PLEKHA5: variants seen among roughly 807,000 people sequenced by gnomAD.
The protein encoded by PLEKHA5 is pleckstrin homology domain-containing family A member 5.
Under a neutral mutation model 181.9 loss-of-function variants are expected in PLEKHA5, and 55 were observed. The ratio of observed to expected loss-of-function variants is 0.30; its 90% CI spans 0.24 to 0.38. PLEKHA5 has a LOEUF of 0.38. PLEKHA5 is among the 10% of genes least tolerant of loss of function. The pLI is 1.00. For synonymous variants in PLEKHA5, 535 were observed against 529.4 expected, an observed-to-expected ratio of 1.01 and a Z score of -0.15; for missense variants, 1,432 against 1,549.5, an observed-to-expected ratio of 0.92 and a Z score of 1.27.
At chr12:19,287,378 T>C (rs2077449094) in intron 12 of PLEKHA5, 95 bp from the exon 13 acceptor site, 2 of 761,484 alleles carry the variant, frequency 2.6e-6, no homozygotes, top group East Asian at 4.9e-5. Context: ...TTTTAAATGG[T>C]ATTTCATAAT....
intron 21 of PLEKHA5, among the ~76,000 whole-genome samples, chr12:19,337,576 A>G (rs567100224): frequency 1.1e-3 from 161 of 151,720 alleles, no homozygotes; most frequent in African/African-American, 3.7e-3. Context: ...AAAAGAAATA[A>G]TAATACTTGT....
At chr12:19,132,033 C>T (rs78983750) in intron 2 of PLEKHA5, among the ~76,000 whole-genome samples, 9,143 of 152,126 alleles carry the variant, frequency 0.06, 336 homozygotes, top group South Asian at 0.11. Context: ...AAGAGGCAGG[C>T]GTTGCCTGTT....
chr12:19,172,769 T>C (rs1312389001), intron 3 of PLEKHA5, among the ~76,000 whole-genome samples: 1 of 152,044 alleles, frequency 6.6e-6, no homozygotes, highest in African/African-American at 2.4e-5. Flanking sequence ...CACAGATAAA[T>C]CAAATTGGCT....
chr12:19,247,893 A>T (rs965462821), intron 3 of PLEKHA5, among the ~76,000 whole-genome samples: 35 of 148,240 alleles, frequency 2.4e-4, no homozygotes, highest in Middle Eastern at 3.4e-3. Flanking sequence ...GAGTGCTTTT[A>T]AAAAAAAAAT....
intron 3 of PLEKHA5, among the ~76,000 whole-genome samples, chr12:19,212,616 C>T (rs2057139089): frequency 6.6e-6 from 1 of 151,916 alleles, no homozygotes; most frequent in African/African-American, 2.4e-5. Flanking sequence ...AGGAGGCAGA[C>T]AGGGCAAAAC....
chr12:19,349,989 G>A (rs977015180), intron 25 of PLEKHA5, among the ~76,000 whole-genome samples: 1 of 152,120 alleles, frequency 6.6e-6, no homozygotes, highest in Non-Finnish European at 1.5e-5. Context: ...GCACACACCT[G>A]TAGTCCCAGC....
intron 3 of PLEKHA5, among the ~76,000 whole-genome samples, chr12:19,175,181 T>C (rs952653238): frequency 6.6e-6 from 1 of 152,212 alleles, no homozygotes; most frequent in African/African-American, 2.4e-5. Flanking sequence ...GTTAACTCTC[T>C]TTTACTACTG....
intron 12 of PLEKHA5, among the ~76,000 whole-genome samples, chr12:19,286,264 A>G (rs893181061): frequency 9.2e-5 from 14 of 152,224 alleles, no homozygotes. Flanking sequence ...ATGTCACAAG[A>G]TTCATTTAAA....
At chr12:19,165,650 TG>T (rs1356446753) in intron 3 of PLEKHA5, among the ~76,000 whole-genome samples, 2 of 152,200 alleles carry the variant, frequency 1.3e-5, no homozygotes, top group Admixed American at 1.3e-4. Context: ...CTGTAATACC[TG>T]TTCAACCTGT....
intron 3 of PLEKHA5, among the ~76,000 whole-genome samples, chr12:19,222,675 G>A (rs529140627): frequency 6.6e-6 from 1 of 152,108 alleles, no homozygotes; most frequent in Non-Finnish European, 1.5e-5. Flanking sequence ...AATGATTTTT[G>A]AAATGTCAGC....
At chr12:19,239,585 T>C (rs377262344) in intron 3 of PLEKHA5, among the ~76,000 whole-genome samples, 14 of 152,336 alleles carry the variant, frequency 9.2e-5, no homozygotes, top group African/African-American at 3.1e-4. Context: ...TTAACAAATA[T>C]ATTATTTTGG....
chr12:19,168,437 C>G (rs2045064452), intron 3 of PLEKHA5, among the ~76,000 whole-genome samples: 1 of 151,648 alleles, frequency 6.6e-6, no homozygotes, highest in Non-Finnish European at 1.5e-5. Flanking sequence ...TCATTTGTGG[C>G]CAATACATGG....
chr12:19,249,426 GGGATGGAGCA>G (rs775285778), intron 3 of PLEKHA5, among the ~76,000 whole-genome samples: 94 of 152,244 alleles, frequency 6.2e-4, no homozygotes, highest in Middle Eastern at 6.8e-3. Context: ...CATCATAGAT[GGGATGGAGCA>G]GGATGGAGAG....
At position 19,347,136 on chromosome 12, in the gene PLEKHA5, A is replaced by G. The variant is rs1318036251; in HGVS notation, c.2852A>G (p.Lys951Arg). ...SRGPVHLPEE[K>R]KMYQVQGYPR... ...GGCCCAGTTCATCTGCCTGAAGAAA[A>G]GAAGATGTATCAAGTTCAAGGATAT... is the stretch of plus-strand genomic sequence containing the variant. The change falls in exon 24 of 32, where the codon AAG (lysine) becomes AGG (arginine). Residue 951 changes from lysine to arginine, a missense_variant. Lys to Arg is a conservative substitution (Grantham distance 26, BLOSUM62 2). Around this residue, in one of 2 missense-constraint regions of PLEKHA5, gnomAD observed 1,143 missense variants for 1,168.4 expected, o/e 0.98. Coordinates refer to ENST00000429027, the MANE Select transcript of PLEKHA5 (RefSeq NM_001256470.2). 3 of 1,550,366 alleles carry G rather than the reference A, an allele frequency of 1.9e-6. No individual in the cohort carries two copies. The highest frequency in any genetic ancestry group is 2.6e-6 in the Non-Finnish European group (3 of 1,146,140).
chr12:19,149,275 G>A (rs2039730633), intron 3 of PLEKHA5, among the ~76,000 whole-genome samples: 1 of 151,904 alleles, frequency 6.6e-6, no homozygotes, highest in Non-Finnish European at 1.5e-5. Context: ...GGCCAGCGTG[G>A]ACGGATCACG....
chr12:19,351,340 C>G lies in PLEKHA5; in HGVS notation c.3020-2544C>G, dbSNP rs1307613498. ...TTGCTTGAGTCCAGGAGTTCAAGAC[C>G]AGCCTGGGCAACATAACCAGACCTC... On this transcript the variant is annotated intron_variant, in intron 25 of 31. Coordinates refer to ENST00000429027, the MANE Select transcript of PLEKHA5 (RefSeq NM_001256470.2). Among the ~76,000 whole-genome samples the G allele has an allele frequency of 3.3e-5, 5 of 152,132 alleles. No homozygotes were observed. The East Asian group carries it at 9.7e-4, about 29-fold the overall frequency.
intron 3 of PLEKHA5, among the ~76,000 whole-genome samples, chr12:19,204,656 C>T (rs944598647): frequency 6.6e-6 from 1 of 151,996 alleles, no homozygotes; most frequent in Non-Finnish European, 1.5e-5. Flanking sequence ...ATAGGTTTGT[C>T]AATATTTGGG....
chr12:19,360,829 C>G (rs2095206402), intron 28 of PLEKHA5, among the ~76,000 whole-genome samples: 1 of 151,756 alleles, frequency 6.6e-6, no homozygotes, highest in South Asian at 2.1e-4. Context: ...GATCTTGGCT[C>G]ACTGCAACCT....
chr12:19,161,201 AT>A (rs201497287), intron 3 of PLEKHA5, among the ~76,000 whole-genome samples: 1,572 of 151,858 alleles, frequency 0.01, 28 homozygotes, highest in African/African-American at 0.036. Context: ...AACTTCATGT[AT>A]TTTTTTTCCC....
Sources: gnomAD v4.1 joint callset for allele counts (sites outside exome capture counted in the v4.1 genomes callset) on GRCh38, gnomAD v4.1.1 for gene constraint, gnomAD v4.1.1 regional missense constraint, MANE v1.5 for transcripts, NCBI Gene and HGNC (gene_info 2026-07-23, HGNC 2026-07-21) for gene names.